TOX: variants seen among roughly 807,000 people sequenced by gnomAD.
TOX encodes the protein thymocyte selection-associated high mobility group box protein TOX.
TOX carries 11 observed loss-of-function variants against 53.7 expected under a neutral mutation model. The ratio of observed to expected loss-of-function variants is 0.20; its 90% confidence interval spans 0.13 to 0.34. The LOEUF (loss-of-function observed/expected upper bound fraction) is 0.34, where lower values mean the gene tolerates loss of function less well. Among genes scored for constraint, TOX ranks in the 10% least tolerant of loss-of-function variants. TOX has a pLI of 1.00. For missense variants in TOX, 570 were observed against 664.6 expected (o/e 0.86, Z 1.56); for synonymous variants, 225 against 245.3 (o/e 0.92, Z 0.77).
At chr8:59,022,353 C>T (rs776913067) in intron 1 of TOX, among the ~76,000 whole-genome samples, 2 of 152,074 alleles carry the variant, frequency 1.3e-5, no homozygotes, top group African/African-American at 2.4e-5. Flanking sequence ...CCAAAGACTC[C>T]GACATGTTCT....
intron 1 of TOX, among the ~76,000 whole-genome samples, chr8:58,997,254 G>A (rs1444279759): frequency 6.6e-6 from 1 of 151,838 alleles, no homozygotes; most frequent in African/African-American, 2.4e-5. Flanking sequence ...GAACAGGTGG[G>A]GGCTTACTGT....
chr8:58,952,417 A>G (rs1309738563), intron 2 of TOX, among the ~76,000 whole-genome samples: 4 of 152,272 alleles, frequency 2.6e-5, no homozygotes, highest in Admixed American at 6.5e-5. Flanking sequence ...AGAATACAAC[A>G]TGTTATAATT....
At chr8:58,915,897 TGAA>T (rs1812010542) in intron 3 of TOX, among the ~76,000 whole-genome samples, 1 of 92,170 alleles carries the variant, frequency 1.1e-5, no homozygotes, top group Admixed American at 1.2e-4. Flanking sequence ...GAGAACTACG[TGAA>T]GAATGCAGAA....
chr8:58,813,776 A>G (rs1321059294), intron 7 of TOX, among the ~76,000 whole-genome samples: 1 of 152,242 alleles, frequency 6.6e-6, no homozygotes, highest in African/African-American at 2.4e-5. Context: ...TTCAGTAAGA[A>G]GATAAATCCC....
chr8:58,864,575 C>T (rs939726241), intron 3 of TOX, among the ~76,000 whole-genome samples: 2 of 152,120 alleles, frequency 1.3e-5, no homozygotes, highest in African/African-American at 2.4e-5. Context: ...AGCTTTACAA[C>T]GTTCATTTCA....
At chr8:58,908,158 G>C (rs1237039951) in intron 3 of TOX, among the ~76,000 whole-genome samples, 1 of 152,108 alleles carries the variant, frequency 6.6e-6, no homozygotes, top group Non-Finnish European at 1.5e-5. Context: ...GTCTACCTCT[G>C]GGAGGTAATC....
At chr8:58,832,161 T>C (rs934709111) in intron 5 of TOX, among the ~76,000 whole-genome samples, 2 of 114,784 alleles carry the variant, frequency 1.7e-5, no homozygotes, top group Admixed American at 1.0e-4. Flanking sequence ...ATATAATATA[T>C]GTAATATATG....
chr8:58,933,218 T>C (rs544764717), intron 3 of TOX, among the ~76,000 whole-genome samples: 2 of 152,240 alleles, frequency 1.3e-5, no homozygotes, highest in South Asian at 2.1e-4. Flanking sequence ...TCACCACATA[T>C]AGGCCAGGCT....
Position 58,948,176 on chromosome 8 carries a change from C to T in TOX, c.169-8632G>A, listed in dbSNP as rs1171366672. ...GGGGGACCCTGAGGTCAGGGTTTGC[C>T]AGCTGAGGCTTTGAGGATTCAGGGA... On this transcript the variant is annotated intron_variant, in intron 2 of 8. Transcript: ENST00000361421. Among the ~76,000 whole-genome samples the T allele has an allele frequency of 7.9e-5, 12 of 152,268 alleles. No homozygotes were observed. In the East Asian group the frequency reaches 2.3e-3, roughly 29 times the overall value.
At chr8:59,004,522 C>T (rs1813751487) in intron 1 of TOX, among the ~76,000 whole-genome samples, 1 of 152,164 alleles carries the variant, frequency 6.6e-6, no homozygotes, top group African/African-American at 2.4e-5. Flanking sequence ...TGATTGCATG[C>T]ATTATAATAA....
chr8:58,834,157 C>T (rs73243052), intron 5 of TOX, among the ~76,000 whole-genome samples: 9,570 of 152,138 alleles, frequency 0.063, 613 homozygotes, highest in African/African-American at 0.16. Context: ...GCCGTTTTTC[C>T]TTAAATATTG....
chr8:58,811,893 A>C (rs1467773732), intron 7 of TOX, among the ~76,000 whole-genome samples: 3 of 152,248 alleles, frequency 2.0e-5, no homozygotes, highest in African/African-American at 7.2e-5. Context: ...TGGACTACAC[A>C]ATCATTTTTG....
intron 1 of TOX, among the ~76,000 whole-genome samples, chr8:58,987,831 C>A (rs1368778311): frequency 1.3e-5 from 2 of 152,302 alleles, no homozygotes; most frequent in East Asian, 1.9e-4. Context: ...TTGGCAGATT[C>A]ACCTCTCATC....
chr8:59,061,308 G>A (rs1345218100), intron 1 of TOX, among the ~76,000 whole-genome samples: 1 of 152,084 alleles, frequency 6.6e-6, no homozygotes, highest in African/African-American at 2.4e-5. Flanking sequence ...GAAAACCAAA[G>A]AAACCAAAGC....
chr8:59,087,424 A>C (rs571341557), intron 1 of TOX, among the ~76,000 whole-genome samples: 1 of 152,314 alleles, frequency 6.6e-6, no homozygotes, highest in South Asian at 2.1e-4. Flanking sequence ...TTTAATACCT[A>C]ACTTGAAATC....
chr8:58,824,709 T>G (rs781144558), intron 6 of TOX, among the ~76,000 whole-genome samples: 8 of 152,234 alleles, frequency 5.3e-5, no homozygotes, highest in Non-Finnish European at 1.2e-4. Flanking sequence ...CAATCATTTA[T>G]TAGTTTATGT....
chr8:58,873,377 C>T (rs925442319), intron 3 of TOX, among the ~76,000 whole-genome samples: 4 of 152,156 alleles, frequency 2.6e-5, no homozygotes, highest in Admixed American at 6.6e-5. Context: ...ACTTCTTGCA[C>T]CCTTTTAAAC....
chr8:58,823,682 G>T (rs754947883), intron 6 of TOX, among the ~76,000 whole-genome samples: 1 of 152,158 alleles, frequency 6.6e-6, no homozygotes, highest in African/African-American at 2.4e-5. Flanking sequence ...GGCCTTTCAA[G>T]TATCATGAAA....
intron 1 of TOX, among the ~76,000 whole-genome samples, chr8:59,074,879 G>T (rs186267571): frequency 6.6e-6 from 1 of 152,296 alleles, no homozygotes. Context: ...GGCCATGCAA[G>T]AGAAAATAGG....
Sources: gnomAD v4.1 joint callset for allele counts (sites outside exome capture counted in the v4.1 genomes callset) on GRCh38, gnomAD v4.1.1 for gene constraint, MANE v1.5 for transcripts, NCBI Gene and HGNC (gene_info 2026-07-23, HGNC 2026-07-21) for gene names.